The following CNTNAP2 variants were observed in gnomAD, a reference collection of about 807,000 sequenced individuals.
The protein encoded by CNTNAP2 is contactin-associated protein-like 2.
A neutral mutation model predicts 155.2 loss-of-function variants in CNTNAP2; 98 were observed. The ratio of observed to expected loss-of-function variants is 0.63; its 90% confidence interval spans 0.54 to 0.75. CNTNAP2 has a LOEUF of 0.75. Ranked by LOEUF, CNTNAP2 falls within the 30% of genes least tolerant of loss-of-function variation. The pLI is 0.00. For synonymous variants in CNTNAP2, 651 were observed against 631.2 expected, an observed-to-expected ratio of 1.03 and a Z score of -0.47; for missense variants, 1,727 against 1,688.1, an observed-to-expected ratio of 1.02 and a Z score of -0.40.
chr7:146,632,556 A>C (rs1799526416), intron 1 of CNTNAP2, among the ~76,000 whole-genome samples: 1 of 152,112 alleles, frequency 6.6e-6, no homozygotes, highest in Non-Finnish European at 1.5e-5. Flanking sequence ...TCCAATGAAT[A>C]TTTTCAAGTT....
At chr7:148,186,110 A>G (rs1408330845) in intron 18 of CNTNAP2, among the ~76,000 whole-genome samples, 4 of 152,342 alleles carry the variant, frequency 2.6e-5, no homozygotes, top group Non-Finnish European at 5.9e-5. Flanking sequence ...CACTTCTTCT[A>G]TTACTATAGA....
intron 1 of CNTNAP2, among the ~76,000 whole-genome samples, chr7:146,338,866 A>G (rs1372217416): frequency 1.3e-5 from 2 of 150,514 alleles, no homozygotes; most frequent in Non-Finnish European, 2.9e-5. Flanking sequence ...TCTATATTAG[A>G]TACAGAAAAG....
At chr7:148,240,392 G>A (rs1796123437) in intron 20 of CNTNAP2, among the ~76,000 whole-genome samples, 1 of 152,138 alleles carries the variant, frequency 6.6e-6, no homozygotes, top group Non-Finnish European at 1.5e-5. Context: ...TTATCAACAT[G>A]TAAATAATAA....
intron 9 of CNTNAP2, among the ~76,000 whole-genome samples, chr7:147,354,619 G>A (rs977572916): frequency 2.4e-4 from 36 of 152,042 alleles, no homozygotes; most frequent in Non-Finnish European, 5.0e-4. Context: ...GGCTACATGG[G>A]CTCTTTTTTG....
intron 19 of CNTNAP2, among the ~76,000 whole-genome samples, chr7:148,225,288 T>C (rs1482220659): frequency 6.6e-6 from 1 of 151,692 alleles, no homozygotes; most frequent in Non-Finnish European, 1.5e-5. Context: ...AAGGAGAGGG[T>C]AAATTCCACT....
intron 13 of CNTNAP2, among the ~76,000 whole-genome samples, chr7:147,725,128 C>A (rs1258697211): frequency 6.6e-6 from 1 of 152,002 alleles, no homozygotes; most frequent in Non-Finnish European, 1.5e-5. Context: ...CACTCATAAC[C>A]TTTCCTTTTT....
chr7:147,886,152 G>A lies in CNTNAP2; in HGVS notation c.2099-17413G>A, dbSNP rs151259255. Among the ~76,000 whole-genome samples, 262 of 152,230 alleles carry A rather than the reference G, an allele frequency of 1.7e-3. 1 individual carries two copies. Among genetic ancestry groups the A allele is most frequent in the African/African-American group, 6.2e-3 (259 of 41,538 alleles). On this transcript the variant is annotated intron_variant, in intron 13 of 23. Transcript: ENST00000361727. ...ACTGTCCCATGCTCAGGCATCAGTT[G>A]TCACTGTGGATGACTCACAGAATTA...
At position 148,383,665 on chromosome 7, in the gene CNTNAP2, C is replaced by G. The variant is rs779383795; in HGVS notation, c.3492C>G (p.Asp1164Glu). The G allele has an allele frequency of 6.2e-7, 1 of 1,614,108 alleles. No individual in the cohort carries two copies. Among genetic ancestry groups the G allele is most frequent in the Non-Finnish European group, 8.5e-7 (1 of 1,180,032 alleles). Residue 1164 changes from aspartate (D) to glutamate (E), a missense_variant, in exon 22 of 24, where the codon GAC becomes GAG. Asp to Glu is a conservative substitution (Grantham distance 45, BLOSUM62 2). Transcript: ENST00000361727. ...LGKVIETGKI[D>E]QEIHKYNTPG... is the part of the protein sequence containing the mutation. The stretch of plus-strand genomic sequence containing the variant: ...TTCTTTTAGAAACAGGGAAAATTGA[C>G]CAAGAGATTCACAAATACAACACCC...
At chr7:148,253,055 T>TAGATGATA (rs57134961) in intron 20 of CNTNAP2, among the ~76,000 whole-genome samples, 9 of 138,692 alleles carry the variant, frequency 6.5e-5, no homozygotes, top group African/African-American at 2.4e-4. Flanking sequence ...GATAGACAGA[T>TAGATGATA]GATAGATAGA....
At chr7:146,726,403 T>G (rs1046131713) in intron 1 of CNTNAP2, among the ~76,000 whole-genome samples, 3 of 152,150 alleles carry the variant, frequency 2.0e-5, no homozygotes, top group Non-Finnish European at 4.4e-5. Context: ...TTTTTTTTCT[T>G]TTAGCTTCCC....
At chr7:146,783,754 G>A (rs1802528922) in intron 2 of CNTNAP2, among the ~76,000 whole-genome samples, 1 of 152,186 alleles carries the variant, frequency 6.6e-6, no homozygotes, top group Admixed American at 6.5e-5. Context: ...GTTAATATGT[G>A]TGGTGAACAC....
intron 1 of CNTNAP2, among the ~76,000 whole-genome samples, chr7:146,217,377 T>A (rs1369296134): frequency 6.6e-6 from 1 of 152,188 alleles, no homozygotes; most frequent in Non-Finnish European, 1.5e-5. Context: ...TTTCTTAACT[T>A]TTATTTCAGG....
chr7:146,414,751 A>G (rs1252039185), intron 1 of CNTNAP2, among the ~76,000 whole-genome samples: 1 of 152,146 alleles, frequency 6.6e-6, no homozygotes, highest in Non-Finnish European at 1.5e-5. Flanking sequence ...TATGCCTGGT[A>G]TGCACCCATG....
At chr7:147,532,089 G>A (rs530422356) in intron 11 of CNTNAP2, among the ~76,000 whole-genome samples, 2 of 152,268 alleles carry the variant, frequency 1.3e-5, no homozygotes, top group Admixed American at 1.3e-4. Context: ...TTACAGGCAT[G>A]AGCCACCATG....
chr7:147,823,270 G>A (rs1798390072), intron 13 of CNTNAP2, among the ~76,000 whole-genome samples: 1 of 152,176 alleles, frequency 6.6e-6, no homozygotes, highest in South Asian at 2.1e-4. Flanking sequence ...CAGCTGCCCT[G>A]CTGCTAAAAG....
intron 20 of CNTNAP2, among the ~76,000 whole-genome samples, chr7:148,265,267 G>A (rs1255324244): frequency 6.6e-6 from 1 of 152,058 alleles, no homozygotes; most frequent in East Asian, 1.9e-4. Context: ...AACGGAATAA[G>A]TGTTTTTGTT....
At chr7:146,263,948 G>A (rs535334747) in intron 1 of CNTNAP2, among the ~76,000 whole-genome samples, 54 of 152,182 alleles carry the variant, frequency 3.5e-4, no homozygotes, top group Middle Eastern at 3.4e-3. Flanking sequence ...AGAAATGAAC[G>A]GAGCTAAATG....
At chr7:146,742,479 T>A (rs1325069968) in intron 1 of CNTNAP2, among the ~76,000 whole-genome samples, 4 of 152,106 alleles carry the variant, frequency 2.6e-5, no homozygotes, top group African/African-American at 4.8e-5. Flanking sequence ...CAGTCCAGAG[T>A]GTAATAATGA....
At chr7:146,792,492 G>A (rs577588228) in intron 2 of CNTNAP2, among the ~76,000 whole-genome samples, 3 of 152,250 alleles carry the variant, frequency 2.0e-5, no homozygotes, top group Admixed American at 6.5e-5. Flanking sequence ...AATAATACAG[G>A]TCAGGACCTG....
Sources: allele counts gnomAD v4.1 joint callset (sites outside exome capture counted in the v4.1 genomes callset), GRCh38; gene constraint gnomAD v4.1.1; transcripts MANE v1.5; gene names NCBI Gene and HGNC (gene_info 2026-07-23, HGNC 2026-07-21).